SCN8A: variants seen among roughly 807,000 people sequenced by gnomAD.
SCN8A encodes the protein sodium voltage-gated channel alpha subunit 8, also known as sodium channel protein type 8 subunit alpha.
A neutral mutation model predicts 184.1 loss-of-function variants in SCN8A; 30 were observed. The observed-to-expected ratio is 0.16, with a 90% CI of 0.12 to 0.22. The LOEUF is 0.22. Among genes scored for constraint, SCN8A ranks in the 10% least tolerant of loss-of-function variants. The pLI is 1.00. For missense variants in SCN8A, 1,057 were observed against 2,498.9 expected (o/e 0.42, Z 12.30); for synonymous variants, 852 against 907.0 (o/e 0.94, Z 1.09).
In SCN8A at chr12:51,789,515, C is replaced by T. The variant is rs1938183148; in HGVS notation, c.4419+97C>T. On this transcript the variant is annotated intron_variant, in intron 24 of 26. Coordinates refer to ENST00000627620, the MANE Select transcript of SCN8A (RefSeq NM_001330260.2). Reference sequence around the variant, plus strand: ...AGAAAGAAAATGTCCCTCTTTCTTTCTCTAAAATCTATATTGTTAGCTCAC... The same window carrying T: ...AGAAAGAAAATGTCCCTCTTTCTTTTTCTAAAATCTATATTGTTAGCTCAC... 6.0e-6 allele frequency: 8 copies of T among 1,322,906 alleles called. No individual in the cohort carries two copies. The South Asian group carries it at 9.6e-5, about 16-fold the overall frequency. 81.9% of individuals were successfully genotyped at this position (1,322,906 alleles called of 1,614,324 possible).
At chr12:51,722,866 A>T (rs1942091482) in intron 12 of SCN8A, 1 of 152,182 alleles carries the variant, frequency 6.6e-6, no homozygotes. Flanking sequence ...CATTTCTTTA[A>T]ATTCTAAGCT....
Position 51,788,287 on chromosome 12 carries a change from C to CTTTTTTTTTTTTT in SCN8A, c.4228-399_4228-387dup, listed in dbSNP as rs66672221. ...TTTTCCAACCCCCATCGCTTAACAC[C>CTTTTTTTTTTTTT]TTTTTTTTTTTTTTTTTTTTTGCTT... On this transcript the variant is annotated intron_variant, in intron 22 of 26. Transcript: ENST00000627620. Among the ~76,000 whole-genome samples, 24 of 84,010 alleles carry CTTTTTTTTTTTTT rather than the reference C, an allele frequency of 2.9e-4. 1 individual carries two copies. Among genetic ancestry groups the CTTTTTTTTTTTTT allele is most frequent in the African/African-American group, 1.1e-3 (22 of 20,100 alleles). The allele number at this position is 84,010 out of a possible 152,430, so 55.1% of individuals were successfully genotyped here.
chr12:51,768,806 C>A, intron 16 of SCN8A, 59 bp from the exon 17 acceptor site: 1 of 1,431,064 alleles, frequency 7.0e-7, no homozygotes. Context: ...GTTTGCAACC[C>A]TGAGTTCGAT....
chr12:51,708,246 T>G (rs1257606191), intron 11 of SCN8A, among the ~76,000 whole-genome samples: 1 of 152,224 alleles, frequency 6.6e-6, no homozygotes. Context: ...TTCTACTGAT[T>G]AATTATTCTG....
intron 2 of SCN8A, among the ~76,000 whole-genome samples, chr12:51,682,477 A>G (rs746990062): frequency 3.3e-5 from 5 of 152,308 alleles, no homozygotes; most frequent in Admixed American, 6.5e-5. Context: ...GGTACAGAAG[A>G]GTATTTATGG....
intron 1 of SCN8A, among the ~76,000 whole-genome samples, chr12:51,601,862 T>TG (rs891694212): frequency 3.3e-5 from 5 of 149,768 alleles, no homozygotes; most frequent in Non-Finnish European, 5.9e-5. Flanking sequence ...AGGGTTTTTT[T>TG]TTTTTTTTTT....
chr12:51,784,238 A>G (rs1023926983), intron 21 of SCN8A, among the ~76,000 whole-genome samples: 12 of 152,202 alleles, frequency 7.9e-5, no homozygotes, highest in African/African-American at 2.7e-4. Flanking sequence ...TGTTCAAAGC[A>G]AGGAAGAATT....
At chr12:51,790,264 C>A in intron 24 of SCN8A, 134 bp from the exon 25 acceptor site, 1 of 570,550 alleles carries the variant, frequency 1.8e-6, no homozygotes. Context: ...GGGTCTACCC[C>A]ACTCTGGGAC....
chr12:51,781,645 TGCACGC>T (rs1027768415), intron 21 of SCN8A, among the ~76,000 whole-genome samples: 6 of 152,230 alleles, frequency 3.9e-5, no homozygotes, highest in South Asian at 2.1e-4. Context: ...TGTGCGTGCG[TGCACGC>T]GCACGCACGC....
intron 1 of SCN8A, among the ~76,000 whole-genome samples, chr12:51,618,508 C>CAG (rs1247032120): frequency 1.5e-4 from 19 of 127,120 alleles, no homozygotes; most frequent in African/African-American, 4.8e-4. Flanking sequence ...CACACACACA[C>CAG]AGAAAGAAAA....
At chr12:51,771,573 C>T (rs1942926269) in intron 19 of SCN8A, among the ~76,000 whole-genome samples, 2 of 152,068 alleles carry the variant, frequency 1.3e-5, no homozygotes, top group South Asian at 2.1e-4. Flanking sequence ...AAGACAAGCC[C>T]AAGGGTGAAG....
chr12:51,603,905 T>C (rs1939525424), intron 1 of SCN8A, among the ~76,000 whole-genome samples: 2 of 152,206 alleles, frequency 1.3e-5, no homozygotes, highest in Admixed American at 6.5e-5. Context: ...TTGGATTGTT[T>C]GTATTCTTAC....
chr12:51,766,244 C>T, intron 16 of SCN8A: 1 of 579,352 alleles, frequency 1.7e-6, no homozygotes, highest in Non-Finnish European at 3.0e-6. Context: ...ACTTGTCAAC[C>T]CTTTTCCTAG....
At chr12:51,699,188 C>G (rs1941642700) in intron 6 of SCN8A, among the ~76,000 whole-genome samples, 2 of 152,110 alleles carry the variant, frequency 1.3e-5, no homozygotes, top group African/African-American at 4.8e-5. Flanking sequence ...GATTTAGGCA[C>G]AGAGGACAAG....
At chr12:51,759,516 T>TA (rs1942731775) in intron 14 of SCN8A, among the ~76,000 whole-genome samples, 1 of 152,306 alleles carries the variant, frequency 6.6e-6, no homozygotes, top group Non-Finnish European at 1.5e-5. Flanking sequence ...ATTTAAAACT[T>TA]ATGAATTGTT....
At chr12:51,626,369 C>G (rs1289712696) in intron 1 of SCN8A, among the ~76,000 whole-genome samples, 1 of 152,106 alleles carries the variant, frequency 6.6e-6, no homozygotes, top group Non-Finnish European at 1.5e-5. Context: ...TAGACAAATA[C>G]AGAATCAGCA....
intron 1 of SCN8A, among the ~76,000 whole-genome samples, chr12:51,661,545 T>C (rs77956834): frequency 6.6e-6 from 1 of 152,094 alleles, no homozygotes; most frequent in Non-Finnish European, 1.5e-5. Context: ...ACTGTTCTCT[T>C]GAGGAGCCTC....
At chr12:51,660,482 G>A (rs183906879) in intron 1 of SCN8A, among the ~76,000 whole-genome samples, 4 of 152,306 alleles carry the variant, frequency 2.6e-5, no homozygotes, top group African/African-American at 7.2e-5. Flanking sequence ...CATGCATTTG[G>A]TCTCATTATG....
At chr12:51,769,467 T>A (rs1942889967) in intron 17 of SCN8A, 132 bp downstream of exon 17, 2 of 639,970 alleles carry the variant, frequency 3.1e-6, no homozygotes, top group Non-Finnish European at 5.4e-6. Flanking sequence ...GAGAACTAAT[T>A]CCACCATCCC....
Sources: gnomAD v4.1 joint callset for allele counts (sites outside exome capture counted in the v4.1 genomes callset) on GRCh38, gnomAD v4.1.1 for gene constraint, MANE v1.5 for transcripts, NCBI Gene and HGNC (gene_info 2026-07-23, HGNC 2026-07-21) for gene names.